Variants in ANO2 observed in about 807,000 individuals in gnomAD.
ANO2 encodes anoctamin-2.
In ANO2, 101 loss-of-function variants were observed where a neutral mutation model predicts 124.2. The ratio of observed to expected loss-of-function variants is 0.81; its 90% CI spans 0.69 to 0.96. ANO2 has a LOEUF of 0.96. Among genes scored for constraint, ANO2 ranks in the 40% least tolerant of loss-of-function variants. The pLI is 0.00. For missense variants in ANO2, 1,293 were observed against 1,274.5 expected (o/e 1.01, Z -0.22); for synonymous variants, 486 against 482.5 (o/e 1.01, Z -0.09).
At position 5,825,759 on chromosome 12, in the gene ANO2, T is replaced by A. The variant is rs114460367; in HGVS notation, c.892+2010A>T. Among the ~76,000 whole-genome samples, 1,161 of 152,240 alleles carry A rather than the reference T, an allele frequency of 7.6e-3. 16 individuals carry two copies. Among genetic ancestry groups the A allele is most frequent in the African/African-American group, 0.026 (1,089 of 41,548 alleles). On this transcript the variant is annotated intron_variant, in intron 7 of 24. Coordinates refer to ENST00000682330, the MANE Select transcript of ANO2 (RefSeq NM_001364791.2). ...GCAATACAGGAGATTCGTTAGGGCA[T>A]CTCTTAGTATTATCATGCCCTGTGA...
At chr12:5,876,319 T>C (rs910760945) in intron 3 of ANO2, among the ~76,000 whole-genome samples, 1 of 152,190 alleles carries the variant, frequency 6.6e-6, no homozygotes, top group Non-Finnish European at 1.5e-5. Flanking sequence ...TAGAACCGCA[T>C]CATATTCTAG....
At chr12:5,797,800 G>A (rs552579193) in intron 10 of ANO2, among the ~76,000 whole-genome samples, 6 of 152,286 alleles carry the variant, frequency 3.9e-5, no homozygotes, top group Middle Eastern at 3.4e-3. Flanking sequence ...GATCTGTGAG[G>A]AGCTGTAGAC....
chr12:5,803,635 A>G lies in ANO2; in HGVS notation c.990+2417T>C, dbSNP rs561860257. On this transcript the variant is annotated intron_variant, in intron 9 of 24. Coordinates refer to ENST00000682330, the MANE Select transcript of ANO2 (RefSeq NM_001364791.2). ...ACTAGGCAGCTTTGGCAAATGGGGA[A>G]CTAGGCAGCTGCTGGAAGCCAGGAG... Among the ~76,000 whole-genome samples the G allele has an allele frequency of 7.2e-5, 11 of 152,240 alleles. No homozygotes were observed. The South Asian group carries it at 2.3e-3, about 32-fold the overall frequency.
At chr12:5,668,581 T>C (rs1310129373) in intron 14 of ANO2, among the ~76,000 whole-genome samples, 1 of 152,208 alleles carries the variant, frequency 6.6e-6, no homozygotes, top group Non-Finnish European at 1.5e-5. Context: ...TTCGCTTTTG[T>C]TGAAATTGCT....
At chr12:5,575,721 G>A (rs1942360734) in intron 23 of ANO2, 113 bp downstream of exon 23, 1 of 1,237,158 alleles carries the variant, frequency 8.1e-7, no homozygotes, top group East Asian at 2.5e-5. Flanking sequence ...GTGGTCTGCT[G>A]TTGTCCAAAA....
Position 5,654,911 on chromosome 12 carries a change from A to G in ANO2, c.1546-7110T>C, listed in dbSNP as rs539290074. On this transcript the variant is annotated intron_variant, in intron 14 of 24. Transcript: ENST00000682330. ...AGAGCAGCCATCCCACTTCTCAATAAGATAAGGGATCCTGAGTGCCACTTA... is the reference window on the plus strand; with the variant it reads ...AGAGCAGCCATCCCACTTCTCAATAGGATAAGGGATCCTGAGTGCCACTTA... Among the ~76,000 whole-genome samples, 167 of 152,312 alleles carry G rather than the reference A, an allele frequency of 1.1e-3. 1 individual carries two copies. Among genetic ancestry groups the G allele is most frequent in the African/African-American group, 3.8e-3 (160 of 41,564 alleles).
intron 9 of ANO2, among the ~76,000 whole-genome samples, chr12:5,802,986 C>T (rs530071604): frequency 6.6e-5 from 10 of 152,314 alleles, no homozygotes; most frequent in African/African-American, 2.4e-4. Context: ...AAGAATTTCA[C>T]GAGACTATGA....
At chr12:5,826,564 C>T (rs1953963390) in intron 7 of ANO2, among the ~76,000 whole-genome samples, 1 of 151,724 alleles carries the variant, frequency 6.6e-6, no homozygotes, top group African/African-American at 2.4e-5. Flanking sequence ...GCACCGTGTT[C>T]CAGACAAATA....
intron 7 of ANO2, among the ~76,000 whole-genome samples, chr12:5,814,242 C>A (rs1321130350): frequency 3.3e-5 from 5 of 152,270 alleles, no homozygotes; most frequent in Non-Finnish European, 1.5e-5. Flanking sequence ...CCGTCCCTGG[C>A]ATTCCCCAAC....
chr12:5,914,165 A>G (rs963814591), intron 3 of ANO2, among the ~76,000 whole-genome samples: 3 of 151,668 alleles, frequency 2.0e-5, no homozygotes, highest in South Asian at 2.1e-4. Flanking sequence ...GCGCTACTGC[A>G]CTCCAGCCTA....
chr12:5,913,369 C>G (rs563289365), intron 3 of ANO2, among the ~76,000 whole-genome samples: 91 of 152,336 alleles, frequency 6.0e-4, no homozygotes, highest in Non-Finnish European at 1.0e-3. Flanking sequence ...CAGGGCCAAC[C>G]TGTGCTTCAG....
intron 14 of ANO2, among the ~76,000 whole-genome samples, chr12:5,653,913 C>A (rs1947039646): frequency 6.6e-6 from 1 of 152,110 alleles, no homozygotes; most frequent in African/African-American, 2.4e-5. Context: ...AGAGAAAGCA[C>A]CATATGCAAA....
upstream of ANO2, among the ~76,000 whole-genome samples, chr12:5,945,992 G>C (rs1352403950): frequency 6.6e-6 from 1 of 152,234 alleles, no homozygotes; most frequent in Non-Finnish European, 1.5e-5. Flanking sequence ...CACGGACCTG[G>C]GCAGGGGGAT....
At chr12:5,917,221 T>C (rs536015396) in intron 3 of ANO2, among the ~76,000 whole-genome samples, 2 of 152,166 alleles carry the variant, frequency 1.3e-5, no homozygotes, top group South Asian at 2.1e-4. Context: ...GAATGAAGCA[T>C]GGTGGGGAGA....
chr12:5,883,152 C>T (rs1313521365), intron 3 of ANO2, among the ~76,000 whole-genome samples: 2 of 152,034 alleles, frequency 1.3e-5, no homozygotes, highest in South Asian at 4.2e-4. Context: ...GCTCCATTTT[C>T]CCTTTCCGGG....
intron 14 of ANO2, among the ~76,000 whole-genome samples, chr12:5,679,022 G>C (rs558714007): frequency 1.5e-4 from 23 of 152,278 alleles, no homozygotes; most frequent in Middle Eastern, 3.4e-3. Context: ...ATCTGAACTC[G>C]GCATAAGCCA....
In ANO2 at chr12:5,672,605, GCA is replaced by G. The variant is rs1175696168; in HGVS notation, c.1546-24806_1546-24805del. On this transcript the variant is annotated intron_variant, in intron 14 of 24. Transcript: ENST00000682330. ...CGTGTGTGTGTGTGTGTGTGCACAT[GCA>G]TGTGTGTGTGCACATGTGTGTATGT... Among the ~76,000 whole-genome samples the G allele has an allele frequency of 2.1e-3, 105 of 50,972 alleles. 1 individual carries two copies. Among genetic ancestry groups the G allele is most frequent in the Admixed American group, 5.4e-3 (27 of 4,956 alleles). The allele number at this position is 50,972 out of a possible 152,430, so 33.4% of individuals were successfully genotyped here. A position where few individuals can be genotyped will look rare whatever the true frequency, so the allele number is the denominator to read the frequency against.
chr12:5,652,264 A>C (rs965700271), intron 14 of ANO2, among the ~76,000 whole-genome samples: 13 of 152,130 alleles, frequency 8.5e-5, no homozygotes, highest in African/African-American at 3.1e-4. Flanking sequence ...TTATTAAATA[A>C]ATTTTTAATT....
intron 19 of ANO2, among the ~76,000 whole-genome samples, chr12:5,603,483 TAATGAAAGATGGTAGA>T (rs1944040184): frequency 6.6e-6 from 1 of 151,440 alleles, no homozygotes. Context: ...TAAGACTAAA[TAATGAAAGATGGTAGA>T]AGAAGAAAGA....
Sources: gnomAD v4.1 joint callset for allele counts (sites outside exome capture counted in the v4.1 genomes callset) on GRCh38, gnomAD v4.1.1 for gene constraint, MANE v1.5 for transcripts, NCBI Gene and HGNC (gene_info 2026-07-23, HGNC 2026-07-21) for gene names.